The following KHDC1 variants were observed in gnomAD, a reference collection of about 807,000 sequenced individuals.
KHDC1 encodes the protein KH homology domain-containing protein 1.
A neutral mutation model predicts 24.7 loss-of-function variants in KHDC1; 21 were observed. That is an observed-to-expected ratio of 0.85 (90% CI 0.60 to 1.23). The LOEUF is 1.23. Among genes scored for constraint, KHDC1 ranks in the 50% most tolerant of loss-of-function variants. The pLI is 0.00. For missense variants in KHDC1, 274 were observed against 298.5 expected, an observed-to-expected ratio of 0.92 and a Z score of 0.61; for synonymous variants, 98 against 111.7, an observed-to-expected ratio of 0.88 and a Z score of 0.77.
At chr6:73,268,128 T>C (rs1767108422) in intron 2 of KHDC1, 1 of 153,698 alleles carries the variant, frequency 6.5e-6, no homozygotes, top group African/African-American at 2.4e-5. Flanking sequence ...TTACAGCTCT[T>C]AAGGTGGCAC....
In KHDC1 at chr6:73,292,109, A is replaced by G. The variant is rs910410233; in HGVS notation, c.164-69T>C. 1.1e-4 allele frequency: 176 copies of G among 1,601,202 alleles called. 2 individuals are homozygous for G. The highest frequency in any genetic ancestry group is 8.9e-5 in the East Asian group (4 of 44,828). The stretch of plus-strand genomic sequence containing the variant: ...ATTGGACCTTCTTAGTGATGCCAAC[A>G]TGGTAGACTTTGCTATGGATGCATA... On this transcript the variant is annotated intron_variant, in intron 1 of 4. Coordinates refer to ENST00000370384, the Ensembl canonical transcript of KHDC1.
At chr6:73,245,458 A>C (rs552888729) in intron 2 of KHDC1, among the ~76,000 whole-genome samples, 31 of 152,306 alleles carry the variant, frequency 2.0e-4, no homozygotes, top group Admixed American at 9.2e-4. Flanking sequence ...AATCCTTTGT[A>C]GTATTTAGAA....
chr6:73,249,774 G>A (rs1766745906), intron 2 of KHDC1, among the ~76,000 whole-genome samples: 1 of 151,950 alleles, frequency 6.6e-6, no homozygotes, highest in African/African-American at 2.4e-5. Flanking sequence ...TTTAGAAACA[G>A]GGTCTTGCCC....
chr6:73,273,236 C>T (rs1488249743), intron 2 of KHDC1, among the ~76,000 whole-genome samples: 1 of 146,748 alleles, frequency 6.8e-6, no homozygotes, highest in African/African-American at 2.5e-5. Context: ...GGCGTGATCT[C>T]GGCTCACTGC....
chr6:73,278,818 T>A (rs1161521938), intron 2 of KHDC1, among the ~76,000 whole-genome samples: 1 of 152,218 alleles, frequency 6.6e-6, no homozygotes, highest in Non-Finnish European at 1.5e-5. Context: ...TGGCATCCAC[T>A]GGAGGTCTTA....
chr6:73,263,374 C>T (rs945863619), intron 2 of KHDC1, 178 bp from the exon 1 acceptor site: 47 of 752,636 alleles, frequency 6.2e-5, no homozygotes, highest in African/African-American at 7.6e-5. Flanking sequence ...GGCAATGACC[C>T]AGACCCGGAC....
chr6:73,264,793 C>A (rs1767052425), intron 2 of KHDC1, among the ~76,000 whole-genome samples: 1 of 152,198 alleles, frequency 6.6e-6, no homozygotes, highest in African/African-American at 2.4e-5. Context: ...AAAGCAGAGT[C>A]AAAAACCTGG....
chr6:73,251,118 G>A (rs1193504959), intron 2 of KHDC1, among the ~76,000 whole-genome samples: 1 of 152,080 alleles, frequency 6.6e-6, no homozygotes, highest in Non-Finnish European at 1.5e-5. Context: ...GAGCCACTGT[G>A]CCCAGCCTAG....
intron 2 of KHDC1, among the ~76,000 whole-genome samples, chr6:73,277,719 G>T (rs1360875066): frequency 6.6e-6 from 1 of 151,948 alleles, no homozygotes; most frequent in Non-Finnish European, 1.5e-5. Flanking sequence ...CAGGCATGTT[G>T]GCATGTACCT....
At chr6:73,301,175 G>GC (rs1767869170) in intron 1 of KHDC1, 1 of 151,746 alleles carries the variant, frequency 6.6e-6, no homozygotes, top group Admixed American at 6.6e-5. Context: ...AGCCGAGATC[G>GC]CACCCCTGCA....
At chr6:73,302,431 A>G (rs1484826488) in intron 1 of KHDC1, among the ~76,000 whole-genome samples, 1 of 152,242 alleles carries the variant, frequency 6.6e-6, no homozygotes, top group Admixed American at 6.5e-5. Context: ...TACTTACACA[A>G]ACCTAGATTG....
At chr6:73,250,024 C>A (rs560852417) in intron 2 of KHDC1, among the ~76,000 whole-genome samples, 25 of 152,202 alleles carry the variant, frequency 1.6e-4, no homozygotes, top group Non-Finnish European at 3.1e-4. Context: ...TATACTTGAA[C>A]AAATGATAAT....
chr6:73,281,300 C>T (rs10455091), intron 2 of KHDC1, among the ~76,000 whole-genome samples: 453 of 149,894 alleles, frequency 3.0e-3, no homozygotes, highest in Non-Finnish European at 4.9e-3. Flanking sequence ...GCTCATGCCA[C>T]GGCACTCCAG....
At chr6:73,305,860 T>A (rs1422653193) in intron 1 of KHDC1, among the ~76,000 whole-genome samples, 1 of 152,058 alleles carries the variant, frequency 6.6e-6, no homozygotes, top group Non-Finnish European at 1.5e-5. Flanking sequence ...GGGTTCACCA[T>A]GTTGGCCAGG....
intron 2 of KHDC1, among the ~76,000 whole-genome samples, chr6:73,264,527 G>C (rs1370774580): frequency 6.6e-6 from 1 of 152,222 alleles, no homozygotes; most frequent in Non-Finnish European, 1.5e-5. Flanking sequence ...GGACCTGTGA[G>C]CAGGTAGAGT....
Position 73,263,017 on chromosome 6 carries a change from G to T in KHDC1, c.207-20487C>A. ...AAGGAGGTGAGGGTGGCGCGCCGCA[G>T]GCCTGGGCCACTCCCTGAGTAGGGC... On this transcript the variant is annotated intron_variant, in intron 2 of 4. In the 5' UTR this introduces an upstream ATG that the reference lacks. Coordinates refer to ENST00000370384, the Ensembl canonical transcript of KHDC1. 1 of 1,029,248 alleles carries T rather than the reference G, an allele frequency of 9.7e-7. No individual in the cohort carries two copies. Among genetic ancestry groups the T allele is most frequent in the South Asian group, 3.7e-5 (1 of 27,392 alleles). 63.8% of individuals were successfully genotyped at this position (1,029,248 alleles called of 1,614,324 possible). A position where few individuals can be genotyped will look rare whatever the true frequency, so the allele number is the denominator to read the frequency against.
At chr6:73,298,422 A>ATTTTTTTTTTTTTTTT (rs1562260419) in intron 1 of KHDC1, among the ~76,000 whole-genome samples, 1 of 115,046 alleles carries the variant, frequency 8.7e-6, no homozygotes, top group Non-Finnish European at 1.6e-5. Flanking sequence ...ATACTTTGCA[A>ATTTTTTTTTTTTTTTT]ATTTTTTTTT....
Position 73,303,628 on chromosome 6 carries a change from A to G in KHDC1, c.163+5924T>C, listed in dbSNP as rs1441909649. ...ACATCATTTTGTAGCATCCTTCTCA[A>G]TAATGTATAGCTTCAGTCTAATCCT... is the stretch of plus-strand genomic sequence containing the variant. On this transcript the variant is annotated intron_variant, in intron 1 of 4. Coordinates refer to ENST00000370384, the Ensembl canonical transcript of KHDC1. Among the ~76,000 whole-genome samples, 3 of 152,228 alleles carry G rather than the reference A, an allele frequency of 2.0e-5. 1 individual carries two copies. In the South Asian group the frequency reaches 6.2e-4, roughly 32 times the overall value.
intron 2 of KHDC1, chr6:73,275,823 A>C (rs1767281250): frequency 6.6e-6 from 1 of 152,230 alleles, no homozygotes; most frequent in Non-Finnish European, 1.5e-5. Flanking sequence ...CCTGCTCCAT[A>C]TGGGACAGCT....
Sources: gnomAD v4.1 joint callset for allele counts (sites outside exome capture counted in the v4.1 genomes callset) on GRCh38, gnomAD v4.1.1 for gene constraint, MANE v1.5 for transcripts, NCBI Gene and HGNC (gene_info 2026-07-23, HGNC 2026-07-21) for gene names.